Variants in HRH4 observed in about 807,000 individuals in gnomAD.
HRH4 encodes the protein histamine H4 receptor.
Under a neutral mutation model 10.4 loss-of-function variants are expected in HRH4, and 12 were observed. The ratio of observed to expected loss-of-function variants is 1.15; its 90% confidence interval spans 0.74 to 1.87. HRH4 has a LOEUF of 1.87. Ranked by LOEUF, HRH4 falls within the 40% of genes most tolerant of loss-of-function variation. The pLI, the probability that HRH4 is intolerant of heterozygous loss-of-function variation, is 0.00. For synonymous variants in HRH4, 154 were observed against 166.6 expected (o/e 0.92, Z 0.58); for missense variants, 415 against 453.3 (o/e 0.92, Z 0.77).
At chr18:24,467,542 T>C (rs1165122107) in intron 1 of HRH4, among the ~76,000 whole-genome samples, 3 of 152,134 alleles carry the variant, frequency 2.0e-5, no homozygotes, top group East Asian at 1.9e-4. Flanking sequence ...TTTTTATTTA[T>C]TTTTTATTTT....
chr18:24,466,633 G>T (rs1218392371), intron 1 of HRH4, among the ~76,000 whole-genome samples: 1 of 152,128 alleles, frequency 6.6e-6, no homozygotes, highest in East Asian at 1.9e-4. Context: ...CCTTCCACTG[G>T]TTCTGAAACC....
chr18:24,474,484 G>T (rs1217745160), intron 2 of HRH4, among the ~76,000 whole-genome samples: 7 of 152,112 alleles, frequency 4.6e-5, no homozygotes, highest in Admixed American at 4.6e-4. Context: ...ATCCATCAAA[G>T]AAAGAGTGCT....
At chr18:24,467,847 ATTGAC>A (rs1308941441) in intron 1 of HRH4, among the ~76,000 whole-genome samples, 1 of 152,106 alleles carries the variant, frequency 6.6e-6, no homozygotes, top group African/African-American at 2.4e-5. Context: ...CCCGGCCTGA[ATTGAC>A]TTTTTAGTAG....
chr18:24,471,438 C>A (rs1909948642), intron 2 of HRH4, among the ~76,000 whole-genome samples: 1 of 151,486 alleles, frequency 6.6e-6, no homozygotes, highest in Admixed American at 6.6e-5. Flanking sequence ...AACCCCGCCT[C>A]TACTAAAAAT....
chr18:24,477,530 C>G lies in HRH4; in HGVS notation c.1141C>G (p.Pro381Ala). Reference protein sequence around the residue: ...KIFCIKKQPLPSQHSRSVSS With the variant: ...KIFCIKKQPLASQHSRSVSS ...ATTTTGTATAAAAAAGCAACCTCTA[C>G]CATCACAACACAGTCGGTCAGTATC... Residue 381 changes from proline (P) to alanine (A), a missense_variant, in exon 3 of 3, where the codon CCA (proline) becomes GCA (alanine). Physicochemically the swap from Pro to Ala is conservative, Grantham distance 27. Coordinates refer to ENST00000256906, the MANE Select transcript of HRH4 (RefSeq NM_021624.4). 2 of 1,601,378 alleles carry G rather than the reference C, an allele frequency of 1.2e-6. No individual in the cohort carries two copies. Among genetic ancestry groups the G allele is most frequent in the Non-Finnish European group, 1.7e-6 (2 of 1,173,964 alleles).
At chr18:24,467,691 G>A (rs1909814060) in intron 1 of HRH4, among the ~76,000 whole-genome samples, 1 of 152,084 alleles carries the variant, frequency 6.6e-6, no homozygotes, top group African/African-American at 2.4e-5. Context: ...TTACAGGCGT[G>A]CACCACCATG....
chr18:24,460,838 T>C lies in HRH4; in HGVS notation c.110T>C (p.Ile37Thr), dbSNP rs768968709. 1.9e-6 allele frequency: 3 copies of C among 1,591,714 alleles called. No homozygotes were observed. The South Asian group carries it at 3.4e-5, about 18-fold the overall frequency. ...ATAATGCTAGGAAATGCTTTGGTCA[T>C]TTTAGCTTTTGTGGTGGACAAAAAC... Reference protein sequence around the residue: ...FAIMLGNALVILAFVVDKNLR... With the variant: ...FAIMLGNALVTLAFVVDKNLR... Residue 37 changes from isoleucine to threonine, a missense_variant, in exon 1 of 3, where the codon ATT (isoleucine) becomes ACT (threonine). Physicochemically the swap from Ile to Thr is moderately conservative, Grantham distance 89 (BLOSUM62 -1). Coordinates refer to ENST00000256906, the MANE Select transcript of HRH4 (RefSeq NM_021624.4).
chr18:24,476,792 C>T lies in HRH4; in HGVS notation c.403C>T (p.Leu135=), dbSNP rs376595140. 83 of 1,614,046 alleles carry T rather than the reference C, an allele frequency of 5.1e-5. No homozygotes were observed. Among genetic ancestry groups the T allele is most frequent in the Non-Finnish European group, 7.0e-5 (83 of 1,180,032 alleles). Residue 135 remains leucine (L), a synonymous_variant, in exon 3 of 3, where the codon CTG becomes TTG. Coordinates refer to ENST00000256906, the MANE Select transcript of HRH4 (RefSeq NM_021624.4). ...QHTGVLKIVT[L]MVAVWVLAFL... Reference sequence around the variant, plus strand: ...TACTGGGGTCTTGAAGATTGTTACTCTGATGGTGGCCGTTTGGGTGCTGGC... The same window carrying T: ...TACTGGGGTCTTGAAGATTGTTACTTTGATGGTGGCCGTTTGGGTGCTGGC...
chr18:24,465,375 A>C (rs546997602), intron 1 of HRH4, among the ~76,000 whole-genome samples: 1 of 152,258 alleles, frequency 6.6e-6, no homozygotes, highest in East Asian at 1.9e-4. Context: ...AAGGAACAGC[A>C]GGTGCGCAGG....
chr18:24,472,572 G>C (rs1454312059), intron 2 of HRH4, among the ~76,000 whole-genome samples: 1 of 152,154 alleles, frequency 6.6e-6, no homozygotes, highest in African/African-American at 2.4e-5. Flanking sequence ...GAAAACAGAA[G>C]GAAGCCTTCA....
At chr18:24,461,035 C>A in intron 1 of HRH4, 114 bp downstream of exon 1, 1 of 761,876 alleles carries the variant, frequency 1.3e-6, no homozygotes, top group Non-Finnish European at 2.0e-6. Context: ...GAAAAATAAA[C>A]ACAAAAAGTT....
Position 24,477,061 on chromosome 18 carries a change from T to A in HRH4, c.672T>A (p.Cys224Ter), listed in dbSNP as rs778488149. Residue 224 changes from cysteine to a stop codon, truncating the protein, a stop_gained, in exon 3 of 3, where the codon TGT becomes TGA. Coordinates refer to ENST00000256906, the MANE Select transcript of HRH4 (RefSeq NM_021624.4). LOFTEE classifies it low-confidence loss of function (END_TRUNC). ...PGLTAVSSNI[C>*]GHSFRGRLSS... ...TGACTGCTGTCTCTTCCAACATCTGTGGACACTCATTCAGAGGTAGACTAT... is the reference window on the plus strand; with the variant it reads ...TGACTGCTGTCTCTTCCAACATCTGAGGACACTCATTCAGAGGTAGACTAT... 1 of 1,614,250 alleles carries A rather than the reference T, an allele frequency of 6.2e-7. No homozygotes were observed. The highest frequency in any genetic ancestry group is 1.1e-5 in the South Asian group (1 of 91,090).
At chr18:24,462,963 G>A (rs1046151377) in intron 1 of HRH4, among the ~76,000 whole-genome samples, 3 of 152,130 alleles carry the variant, frequency 2.0e-5, no homozygotes, top group Non-Finnish European at 2.9e-5. Flanking sequence ...GTGACTTTTA[G>A]ATGACAGTCA....
intron 1 of HRH4, among the ~76,000 whole-genome samples, chr18:24,466,480 C>G (rs1473757454): frequency 6.6e-6 from 1 of 151,784 alleles, no homozygotes; most frequent in East Asian, 1.9e-4. Flanking sequence ...GAAAGGCACC[C>G]TAAGGAAGTT....
At chr18:24,461,553 T>A (rs948681372) in intron 1 of HRH4, among the ~76,000 whole-genome samples, 1 of 152,140 alleles carries the variant, frequency 6.6e-6, no homozygotes, top group African/African-American at 2.4e-5. Context: ...TTCTTATTTT[T>A]AAACAATGCT....
chr18:24,460,638 C>A lies in HRH4; in HGVS notation c.-91C>A. 1.4e-6 allele frequency: 1 copy of A among 718,964 alleles called. No individual in the cohort carries two copies. The highest frequency in any genetic ancestry group is 2.2e-6 in the Non-Finnish European group (1 of 458,858). The allele number at this position is 718,964 out of a possible 1,614,324, so 44.5% of individuals were successfully genotyped here. ...CAGTGTTGTTTTGAGTGGAAGACTA[C>A]ACATTTTAGGTATGTGATTAGAAAA... On this transcript the variant is annotated 5_prime_UTR_variant, in exon 1 of 3. Transcript: ENST00000256906.
At chr18:24,463,564 C>T (rs1437788179) in intron 1 of HRH4, among the ~76,000 whole-genome samples, 1 of 152,172 alleles carries the variant, frequency 6.6e-6, no homozygotes, top group African/African-American at 2.4e-5. Flanking sequence ...TTTTCTGCAG[C>T]TGTTAGCCAT....
intron 1 of HRH4, among the ~76,000 whole-genome samples, chr18:24,461,463 A>G (rs1235847232): frequency 2.0e-5 from 3 of 152,192 alleles, no homozygotes; most frequent in African/African-American, 7.2e-5. Context: ...TCATAGCATT[A>G]TATCATCGTT....
Position 24,477,525 on chromosome 18 carries a change from C to G in HRH4, c.1136C>G (p.Pro379Arg), listed in dbSNP as rs531238280. Residue 379 changes from proline (P) to arginine (R), a missense_variant, in exon 3 of 3, where the codon CCT becomes CGT. Pro to Arg is a moderately radical substitution (Grantham distance 103). Coordinates refer to ENST00000256906, the MANE Select transcript of HRH4 (RefSeq NM_021624.4). ...FLKIFCIKKQ[P>R]LPSQHSRSVS... ...AAAATATTTTGTATAAAAAAGCAAC[C>G]TCTACCATCACAACACAGTCGGTCA... The G allele has an allele frequency of 1.0e-4, 168 of 1,602,942 alleles. 3 individuals carry two copies. The South Asian group carries it at 1.7e-3, about 17-fold the overall frequency.
Sources: gnomAD v4.1 joint callset for allele counts (sites outside exome capture counted in the v4.1 genomes callset) on GRCh38, gnomAD v4.1.1 for gene constraint, MANE v1.5 for transcripts, NCBI Gene and HGNC (gene_info 2026-07-23, HGNC 2026-07-21) for gene names.